HADHB: variants seen among roughly 807,000 people sequenced by gnomAD.
The protein encoded by HADHB is trifunctional enzyme subunit beta, mitochondrial.
In HADHB, 50 loss-of-function variants were observed where a neutral mutation model predicts 61.9. That is an observed-to-expected ratio of 0.81 (90% CI 0.64 to 1.02). The LOEUF is 1.02. Among genes scored for constraint, HADHB ranks in the 50% least tolerant of loss-of-function variants. The pLI, the probability that HADHB is intolerant of heterozygous loss-of-function variation, is 0.00. For missense variants in HADHB, 504 were observed against 586.5 expected, an observed-to-expected ratio of 0.86 and a Z score of 1.45; for synonymous variants, 191 against 201.6, an observed-to-expected ratio of 0.95 and a Z score of 0.45.
intron 12 of HADHB, among the ~76,000 whole-genome samples, 182 bp from the exon 13 acceptor site, chr2:26,283,930 AAGAGT>A (rs1291597812): frequency 1.8e-4 from 27 of 152,220 alleles, no homozygotes; most frequent in African/African-American, 6.5e-4. Flanking sequence ...TCTGCAACAT[AAGAGT>A]AGAGGGCATG....
chr2:26,264,875 A>G (rs1395880583), intron 4 of HADHB, among the ~76,000 whole-genome samples: 10 of 151,910 alleles, frequency 6.6e-5, no homozygotes, highest in African/African-American at 2.4e-4. Flanking sequence ...CTCTAGTCCC[A>G]GCTACTCGAG....
chr2:26,245,327 C>T lies in HADHB; in HGVS notation c.-9+337C>T, dbSNP rs572925252. On this transcript the variant is annotated intron_variant, in intron 1 of 15. Coordinates refer to ENST00000317799, the MANE Select transcript of HADHB (RefSeq NM_000183.3). Reference sequence around the variant, plus strand: ...GCGTCGGCCTTAATGTAACCCTGGTCTGCGTAGAAGTGTGTGTTGTTTCGC... The same window carrying T: ...GCGTCGGCCTTAATGTAACCCTGGTTTGCGTAGAAGTGTGTGTTGTTTCGC... 4.3e-4 allele frequency: 67 copies of T among 156,960 alleles called. No individual in the cohort carries two copies. In the South Asian group the frequency reaches 0.011, roughly 27 times the overall value. 9.7% of individuals were successfully genotyped at this position (156,960 alleles called of 1,614,324 possible). A position where few individuals can be genotyped will look rare whatever the true frequency, so the allele number is the denominator to read the frequency against.
intron 3 of HADHB, among the ~76,000 whole-genome samples, chr2:26,258,795 C>G (rs981972478): frequency 6.6e-6 from 1 of 152,234 alleles, no homozygotes; most frequent in Admixed American, 6.5e-5. Context: ...TGTCGCTCCC[C>G]CTGTGCTCTC....
chr2:26,267,789 AG>A (rs1174076171), intron 4 of HADHB, among the ~76,000 whole-genome samples: 15 of 151,204 alleles, frequency 9.9e-5, no homozygotes, highest in Non-Finnish European at 1.9e-4. Flanking sequence ...AAAAAAAAAA[AG>A]AGTAAATAAA....
intron 15 of HADHB, among the ~76,000 whole-genome samples, chr2:26,286,083 G>A (rs146484318): frequency 3.9e-5 from 6 of 151,940 alleles, no homozygotes; most frequent in Admixed American, 6.6e-5. Flanking sequence ...TTAAACCCAA[G>A]CTATTTTTCC....
At chr2:26,256,444 T>G (rs2147802899) in intron 3 of HADHB, among the ~76,000 whole-genome samples, 1 of 152,318 alleles carries the variant, frequency 6.6e-6, no homozygotes, top group Non-Finnish European at 1.5e-5. Flanking sequence ...TTTAGTCATC[T>G]GATGGACTGG....
intron 4 of HADHB, among the ~76,000 whole-genome samples, chr2:26,264,400 A>G (rs1428390921): frequency 6.6e-6 from 1 of 151,616 alleles, no homozygotes; most frequent in Non-Finnish European, 1.5e-5. Context: ...AATAAAAAAT[A>G]TTAGCTGGGC....
intron 1 of HADHB, among the ~76,000 whole-genome samples, chr2:26,253,080 C>T (rs144991032): frequency 2.0e-5 from 3 of 152,224 alleles, no homozygotes; most frequent in Admixed American, 6.5e-5. Flanking sequence ...TACTTAAGAA[C>T]CATTTGTATT....
At chr2:26,270,929 A>T (rs547679365) in intron 5 of HADHB, among the ~76,000 whole-genome samples, 4 of 136,674 alleles carry the variant, frequency 2.9e-5, no homozygotes, top group African/African-American at 1.1e-4. Flanking sequence ...CCCAGGCTGG[A>T]GTGCAGTGGC....
At chr2:26,278,391 G>T (rs974504974) in intron 7 of HADHB, among the ~76,000 whole-genome samples, 3 of 152,212 alleles carry the variant, frequency 2.0e-5, no homozygotes, top group Admixed American at 1.3e-4. Context: ...AGAAGTTGAC[G>T]TCCATATGGC....
chr2:26,277,076 G>A lies in HADHB; in HGVS notation c.358G>A (p.Ala120Thr). The A allele has an allele frequency of 1.3e-6, 2 of 1,556,022 alleles. No individual in the cohort carries two copies. Among genetic ancestry groups the A allele is most frequent in the Non-Finnish European group, 1.8e-6 (2 of 1,127,612 alleles). ...TCATTCACTCTATTTCCTAAAGGCTGCCCTTGGAGCTGGCTTCTCTGACAA... is the reference window on the plus strand; with the variant it reads ...TCATTCACTCTATTTCCTAAAGGCTACCCTTGGAGCTGGCTTCTCTGACAA... ...VKTSNVAREA[A>T]LGAGFSDKTP... The change falls in exon 7 of 16, where the codon GCC becomes ACC. Residue 120 changes from alanine (A) to threonine (T), a missense_variant. Physicochemically the swap from Ala to Thr is moderately conservative, Grantham distance 58. Coordinates refer to ENST00000317799, the MANE Select transcript of HADHB (RefSeq NM_000183.3).
Position 26,279,252 on chromosome 2 carries a change from A to C in HADHB, c.748A>C (p.Ser250Arg). The C allele has an allele frequency of 1.9e-6, 3 of 1,613,536 alleles. No individual in the cohort carries two copies. The highest frequency in any genetic ancestry group is 2.5e-6 in the Non-Finnish European group (3 of 1,179,470). The change falls in exon 9 of 16, where the codon AGT (serine) becomes CGT (arginine). Residue 250 changes from serine (S) to arginine (R), a missense_variant. Coordinates refer to ENST00000317799, the MANE Select transcript of HADHB (RefSeq NM_000183.3). ...EQDEYALRSH[S>R]LAKKAQDEGL... ...GGATGAATATGCACTGCGCTCTCAC[A>C]GTCTAGCCAAGAAGGCACAGGATGA...
At chr2:26,251,816 A>T (rs1350216834) in intron 1 of HADHB, among the ~76,000 whole-genome samples, 1 of 152,212 alleles carries the variant, frequency 6.6e-6, no homozygotes, top group Non-Finnish European at 1.5e-5. Context: ...TAAAGACCCA[A>T]GAGAAGTTAA....
At position 26,248,913 on chromosome 2, in the gene HADHB, C is replaced by G. The variant is rs542879013; in HGVS notation, c.-9+3923C>G. ...CTCTGCTAAAAATACAAAAATTAGA[C>G]AGGCGTGGTGGCACGTGCCTGGAGT... is the stretch of plus-strand genomic sequence containing the variant. On this transcript the variant is annotated intron_variant, in intron 1 of 15. Coordinates refer to ENST00000317799, the MANE Select transcript of HADHB (RefSeq NM_000183.3). Among the ~76,000 whole-genome samples the G allele has an allele frequency of 1.2e-4, 19 of 152,128 alleles. 1 individual carries two copies. Among genetic ancestry groups the G allele is most frequent in the Admixed American group, 1.1e-3 (17 of 15,284 alleles).
At chr2:26,266,157 T>C (rs550647717) in intron 4 of HADHB, among the ~76,000 whole-genome samples, 1 of 152,138 alleles carries the variant, frequency 6.6e-6, no homozygotes, top group East Asian at 1.9e-4. Context: ...TCCTAGCTAC[T>C]TGGGAGGCTG....
At chr2:26,262,206 T>G (rs900695240) in intron 3 of HADHB, among the ~76,000 whole-genome samples, 1 of 152,226 alleles carries the variant, frequency 6.6e-6, no homozygotes, top group Non-Finnish European at 1.5e-5. Context: ...TTGTTGACAT[T>G]GTATTCCCAA....
chr2:26,260,672 G>T (rs1162261830), intron 3 of HADHB: 1 of 269,736 alleles, frequency 3.7e-6, no homozygotes, highest in Admixed American at 4.9e-5. Context: ...CAAAGCTAAG[G>T]GTTTTTTGGT....
rs2147829909 is a variant in HADHB, at chr2:26,282,897, TG to T, written c.989del (p.Gly330ValfsTer8). 1.2e-6 allele frequency: 2 copies of T among 1,612,852 alleles called. No individual in the cohort carries two copies. Among genetic ancestry groups the T allele is most frequent in the Non-Finnish European group, 1.7e-6 (2 of 1,178,858 alleles). ...ATGGCGGAGGAAAAGGCTCTGGCCA[TG>T]GGTTATAAGCCGAAGGCATATTTGA... ...LIMAEEKALA[M>X]GYKPKAYLRD... On this transcript the variant is annotated frameshift_variant, in exon 11 of 16. Transcript: ENST00000317799. LOFTEE classifies it high-confidence loss of function.
At chr2:26,258,574 C>T (rs990329552) in intron 3 of HADHB, among the ~76,000 whole-genome samples, 5 of 152,062 alleles carry the variant, frequency 3.3e-5, no homozygotes, top group African/African-American at 1.2e-4. Context: ...AGCGGGTCTG[C>T]GACAGTGGCG....
Sources: gnomAD v4.1 joint callset for allele counts (sites outside exome capture counted in the v4.1 genomes callset) on GRCh38, gnomAD v4.1.1 for gene constraint, MANE v1.5 for transcripts, NCBI Gene and HGNC (gene_info 2026-07-23, HGNC 2026-07-21) for gene names.